Variants in DOCK3 observed in about 807,000 individuals in gnomAD.
The protein encoded by DOCK3 is dedicator of cytokinesis 3.
In DOCK3, 60 loss-of-function variants were observed where a neutral mutation model predicts 265.6. The ratio of observed to expected loss-of-function variants is 0.23; its 90% CI spans 0.18 to 0.28. The LOEUF (loss-of-function observed/expected upper bound fraction) is 0.28, where lower values mean the gene tolerates loss of function less well. Among genes scored for constraint, DOCK3 ranks in the 10% least tolerant of loss-of-function variants. The probability of loss-of-function intolerance (pLI) is 1.00; values close to 1 mark genes in which losing one functional copy is unlikely to be tolerated. For missense variants in DOCK3, 1,981 were observed against 2,594.3 expected (o/e 0.76, Z 5.14); for synonymous variants, 881 against 938.0 (o/e 0.94, Z 1.11).
intron 2 of DOCK3, among the ~76,000 whole-genome samples, chr3:50,814,700 C>T (rs763180299): frequency 2.0e-5 from 3 of 152,130 alleles, no homozygotes; most frequent in Non-Finnish European, 4.4e-5. Context: ...AATGCCTTTT[C>T]TCTTTCAGTT....
intron 9 of DOCK3, among the ~76,000 whole-genome samples, chr3:51,133,696 G>A (rs2084665798): frequency 6.6e-6 from 1 of 152,124 alleles, no homozygotes; most frequent in Non-Finnish European, 1.5e-5. Context: ...GGATTGCTGT[G>A]TCTAATTTAT....
intron 5 of DOCK3, among the ~76,000 whole-genome samples, chr3:51,040,860 C>A (rs1312852475): frequency 6.6e-6 from 1 of 152,072 alleles, no homozygotes; most frequent in Non-Finnish European, 1.5e-5. Context: ...CAAATTTTAT[C>A]ATGAGATTGT....
At chr3:51,238,119 CTTT>C (rs747331452) in intron 21 of DOCK3, among the ~76,000 whole-genome samples, 1 of 47,486 alleles carries the variant, frequency 2.1e-5, no homozygotes, top group East Asian at 7.0e-4. Flanking sequence ...ATATTTACCA[CTTT>C]TTTTTTTTTT....
intron 1 of DOCK3, among the ~76,000 whole-genome samples, chr3:50,759,673 A>T (rs1483750445): frequency 1.5e-4 from 2 of 13,264 alleles, no homozygotes; most frequent in Non-Finnish European, 9.1e-4. Context: ...CCCGTCTCTA[A>T]AAAAAAAAAA....
At chr3:51,185,686 T>C (rs1576348295) in intron 12 of DOCK3, among the ~76,000 whole-genome samples, 1 of 152,134 alleles carries the variant, frequency 6.6e-6, no homozygotes, top group East Asian at 1.9e-4. Flanking sequence ...AGGGACCTGG[T>C]GGGAGATAAT....
chr3:50,751,173 G>A (rs1383036275), intron 1 of DOCK3, among the ~76,000 whole-genome samples: 1 of 151,956 alleles, frequency 6.6e-6, no homozygotes, highest in Non-Finnish European at 1.5e-5. Context: ...AGGTCTACTT[G>A]GATTAAAACT....
intron 23 of DOCK3, 87 bp downstream of exon 23, chr3:51,260,413 A>T (rs1341869197): frequency 2.6e-5 from 36 of 1,407,474 alleles, no homozygotes; most frequent in Non-Finnish European, 3.4e-5. Context: ...GAGATGAAGA[A>T]GCCCTGCCAG....
At chr3:50,690,589 G>A (rs1029766449) in intron 1 of DOCK3, among the ~76,000 whole-genome samples, 6 of 151,870 alleles carry the variant, frequency 4.0e-5, no homozygotes. Flanking sequence ...CCAACCCCTG[G>A]CAACTACTGT....
Position 50,897,900 on chromosome 3 carries a change from C to T in DOCK3, c.218+7819C>T, listed in dbSNP as rs546283002. 9.0e-5 allele frequency among the ~76,000 whole-genome samples: 8 copies of T among 89,326 alleles called. No individual in the cohort carries two copies. The East Asian group carries it at 1.7e-3, about 19-fold the overall frequency. The allele number at this position is 89,326 out of a possible 152,430, so 58.6% of individuals were successfully genotyped here. ...TTGCCAGTATTTTACTGAGGATTTT[C>T]ACATCGATGTTCATCAGGTATATTG... On this transcript the variant is annotated intron_variant, in intron 4 of 52. Coordinates refer to ENST00000266037, the MANE Select transcript of DOCK3 (RefSeq NM_004947.5).
At chr3:51,003,105 A>G (rs1647677046) in intron 5 of DOCK3, among the ~76,000 whole-genome samples, 1 of 152,234 alleles carries the variant, frequency 6.6e-6, no homozygotes, top group African/African-American at 2.4e-5. Context: ...AGATAGCCAG[A>G]ATCTCTTTGT....
At chr3:51,262,134 T>C (rs1199071620) in intron 23 of DOCK3, among the ~76,000 whole-genome samples, 1 of 152,112 alleles carries the variant, frequency 6.6e-6, no homozygotes, top group Non-Finnish European at 1.5e-5. Flanking sequence ...CATCTCCCAG[T>C]AGGGGATGAC....
At chr3:50,684,305 A>G (rs1001354024) in intron 1 of DOCK3, among the ~76,000 whole-genome samples, 4 of 152,178 alleles carry the variant, frequency 2.6e-5, no homozygotes, top group Non-Finnish European at 4.4e-5. Flanking sequence ...TCATGTTTGT[A>G]TCATCAGGAC....
chr3:50,826,506 A>G (rs1440343146), intron 2 of DOCK3, among the ~76,000 whole-genome samples: 1 of 152,166 alleles, frequency 6.6e-6, no homozygotes, highest in Non-Finnish European at 1.5e-5. Context: ...TCCCTTAAAT[A>G]TGAACTGGCA....
chr3:51,273,682 A>C (rs2080641366), intron 24 of DOCK3, among the ~76,000 whole-genome samples: 1 of 152,160 alleles, frequency 6.6e-6, no homozygotes, highest in Non-Finnish European at 1.5e-5. Context: ...CAGTGCCCAA[A>C]TCTCTTATAT....
intron 2 of DOCK3, among the ~76,000 whole-genome samples, chr3:50,826,125 A>G (rs937983381): frequency 6.6e-6 from 1 of 151,560 alleles, no homozygotes; most frequent in Non-Finnish European, 1.5e-5. Flanking sequence ...ACATTTCCTT[A>G]TAGATCTGTA....
chr3:50,883,033 T>C (rs914418219), intron 3 of DOCK3, among the ~76,000 whole-genome samples: 5 of 151,930 alleles, frequency 3.3e-5, no homozygotes, highest in South Asian at 2.1e-4. Context: ...AACCAAACAC[T>C]GCATGTTCTC....
chr3:50,779,540 C>T (rs1490086597), intron 2 of DOCK3, among the ~76,000 whole-genome samples: 2 of 152,070 alleles, frequency 1.3e-5, no homozygotes, highest in Admixed American at 1.3e-4. Context: ...TCCACCACCA[C>T]GCCCAGCTAA....
intron 5 of DOCK3, among the ~76,000 whole-genome samples, chr3:51,006,267 G>A (rs1465770494): frequency 2.8e-5 from 3 of 106,630 alleles, no homozygotes; most frequent in Non-Finnish European, 5.9e-5. Context: ...TTTTTTTTCT[G>A]TAGCACTTAT....
intron 2 of DOCK3, among the ~76,000 whole-genome samples, chr3:50,805,787 G>C (rs1308954730): frequency 1.3e-5 from 2 of 152,174 alleles, no homozygotes; most frequent in Non-Finnish European, 2.9e-5. Context: ...CAGCTTTCCT[G>C]GGTGCATGTC....
Sources: gnomAD v4.1 joint callset for allele counts (sites outside exome capture counted in the v4.1 genomes callset) on GRCh38, gnomAD v4.1.1 for gene constraint, MANE v1.5 for transcripts, NCBI Gene and HGNC (gene_info 2026-07-23, HGNC 2026-07-21) for gene names.